Variants in MECR observed in about 807,000 individuals in gnomAD.
The protein encoded by MECR is mitochondrial trans-2-enoyl-CoA reductase.
MECR carries 37 observed loss-of-function variants against 49.1 expected under a neutral mutation model. The ratio of observed to expected loss-of-function variants is 0.75; its 90% confidence interval spans 0.58 to 0.99. The LOEUF (loss-of-function observed/expected upper bound fraction) is 0.99. MECR is among the 50% of genes least tolerant of loss of function. MECR has a pLI of 0.00. For missense variants in MECR, 470 were observed against 479.6 expected, an observed-to-expected ratio of 0.98 and a Z score of 0.19; for synonymous variants, 198 against 191.1, an observed-to-expected ratio of 1.04 and a Z score of -0.30.
intron 6 of MECR, 106 bp from the exon 7 acceptor site, chr1:29,200,695 T>A: frequency 2.2e-6 from 2 of 905,558 alleles, no homozygotes; most frequent in Non-Finnish European, 3.5e-6. Context: ...GAGATGTTTA[T>A]GCCTTTGTTT....
chr1:29,184,039 C>G, the MECR span, among the ~76,000 whole-genome samples: 42 of 148,548 alleles, frequency 2.8e-4, no homozygotes, highest in South Asian at 6.4e-4. Flanking sequence ...CCACCACGCC[C>G]GGCTAATTTT....
intron 1 of MECR, among the ~76,000 whole-genome samples, chr1:29,222,413 G>C (rs1022739852): frequency 1.3e-5 from 2 of 152,066 alleles, no homozygotes; most frequent in African/African-American, 4.8e-5. Flanking sequence ...TATTTCCTGC[G>C]ATCCAATTTG....
intron 1 of MECR, among the ~76,000 whole-genome samples, chr1:29,222,260 A>AT (rs11452724): frequency 0.016 from 2,321 of 149,380 alleles, 26 homozygotes; most frequent in African/African-American, 0.025. Context: ...CGCCTGGCTA[A>AT]TTTTTTTTTT....
chr1:29,176,341 T>C, the MECR span, among the ~76,000 whole-genome samples: 1 of 152,230 alleles, frequency 6.6e-6, no homozygotes, highest in African/African-American at 2.4e-5. Context: ...TTGTCACTCA[T>C]TAGTTATAGC....
intron 1 of MECR, 178 bp from the exon 2 acceptor site, chr1:29,216,863 G>A: frequency 7.3e-7 from 1 of 1,376,364 alleles, no homozygotes; most frequent in Non-Finnish European, 9.5e-7. Flanking sequence ...GGCTGGGCGT[G>A]GTGGCTCACG....
At position 29,208,620 on chromosome 1, in the gene MECR, G is replaced by A. The variant is rs560679280; in HGVS notation, c.407-1715C>T. ...CGAACATCGACTTTGAACCCCTCAT[G>A]CAACAGGGGAGGAAATGAGGAAGTG... On this transcript the variant is annotated intron_variant, in intron 3 of 9. Transcript: ENST00000263702. Among the ~76,000 whole-genome samples, 6 of 152,294 alleles carry A rather than the reference G, an allele frequency of 3.9e-5. No individual in the cohort carries two copies. The South Asian group carries it at 6.2e-4, about 16-fold the overall frequency.
At chr1:29,181,587 C>A in the MECR span, 2 of 1,410,094 alleles carry the variant, frequency 1.4e-6, no homozygotes, top group Non-Finnish European at 9.6e-7. Flanking sequence ...TCCCCGCGGC[C>A]TCCCCACCAC....
chr1:29,206,851 C>G lies in MECR; in HGVS notation c.461G>C (p.Ser154Thr). 7 of 1,614,192 alleles carry G rather than the reference C, an allele frequency of 4.3e-6. No individual in the cohort carries two copies. The highest frequency in any genetic ancestry group is 5.9e-6 in the Non-Finnish European group (7 of 1,180,038). The change falls in exon 4 of 10, where the codon AGT becomes ACT. Residue 154 changes from serine (S) to threonine (T), a missense_variant. Ser to Thr is a moderately conservative substitution (Grantham distance 58). Coordinates refer to ENST00000263702, the MANE Select transcript of MECR (RefSeq NM_016011.5). Reference protein sequence around the residue: ...FSEEALIQVPSDIPLQSAATL... With the variant: ...FSEEALIQVPTDIPLQSAATL... ...GGCAGCGCTCTGAAGAGGGATGTCA[C>G]TCGGAACTTGGATCAGTGCTTCCTC...
the MECR span, among the ~76,000 whole-genome samples, chr1:29,182,854 A>C: frequency 6.6e-6 from 1 of 152,162 alleles, no homozygotes; most frequent in East Asian, 1.9e-4. Flanking sequence ...TATCCAGTCT[A>C]TTTTCTAACC....
rs563043941 is a variant in MECR, at chr1:29,219,091, C to T, written c.177-2406G>A. On this transcript the variant is annotated intron_variant, in intron 1 of 9. Coordinates refer to ENST00000263702, the MANE Select transcript of MECR (RefSeq NM_016011.5). ...GCAGTGAAATGAGCACAGGCTGGACCGGCTGCCGTTGCCTTATGGGGAGAT... is the reference window on the plus strand; with the variant it reads ...GCAGTGAAATGAGCACAGGCTGGACTGGCTGCCGTTGCCTTATGGGGAGAT... Among the ~76,000 whole-genome samples, 35 of 152,162 alleles carry T rather than the reference C, an allele frequency of 2.3e-4. No homozygotes were observed. In the Middle Eastern group the frequency reaches 0.01, roughly 44 times the overall value.
chr1:29,184,290 T>C, the MECR span, among the ~76,000 whole-genome samples: 1 of 150,206 alleles, frequency 6.7e-6, no homozygotes, highest in African/African-American at 2.5e-5. Flanking sequence ...TTCTCCTGCC[T>C]CAGCCTCCCA....
chr1:29,169,187 G>A, the MECR span: 1 of 152,152 alleles, frequency 6.6e-6, no homozygotes, highest in Non-Finnish European at 1.5e-5. Flanking sequence ...ACTGTCATCT[G>A]ACAGATCAAG....
intron 3 of MECR, among the ~76,000 whole-genome samples, chr1:29,215,077 G>A (rs948087870): frequency 6.6e-6 from 1 of 152,068 alleles, no homozygotes; most frequent in Admixed American, 6.5e-5. Context: ...GCAATGGTGC[G>A]ATCATAGCTC....
At chr1:29,203,547 T>G (rs1326799044) in intron 4 of MECR, among the ~76,000 whole-genome samples, 1 of 152,218 alleles carries the variant, frequency 6.6e-6, no homozygotes, top group African/African-American at 2.4e-5. Context: ...TGTCCTCAAG[T>G]CTTTACTTAG....
At chr1:29,202,129 G>A (rs1407534207) in intron 5 of MECR, 84 bp from the exon 6 acceptor site, 4 of 1,173,962 alleles carry the variant, frequency 3.4e-6, no homozygotes, top group Non-Finnish European at 5.0e-6. Flanking sequence ...ACAGCTGGGA[G>A]AACCCGTGCT....
the MECR span, chr1:29,171,292 A>G: frequency 6.6e-6 from 1 of 151,718 alleles, no homozygotes; most frequent in East Asian, 1.9e-4. Flanking sequence ...TACAGAGACT[A>G]AAGGCTGAAC....
intron 1 of MECR, chr1:29,220,642 G>A (rs1558495405): frequency 6.6e-6 from 1 of 152,348 alleles, no homozygotes; most frequent in African/African-American, 2.4e-5. Context: ...GAGAATACAG[G>A]TAGATCTCAG....
the MECR span, among the ~76,000 whole-genome samples, chr1:29,181,112 TG>T: frequency 1.3e-5 from 2 of 152,166 alleles, no homozygotes; most frequent in East Asian, 3.8e-4. Context: ...CTACTCAAAC[TG>T]GAGTCTCCCG....
chr1:29,220,759 G>T, intron 1 of MECR: 2 of 332,564 alleles, frequency 6.0e-6, no homozygotes, highest in Non-Finnish European at 8.6e-6. Flanking sequence ...ATATTCCTCC[G>T]TAAAATGGGA....
Sources: gnomAD v4.1 joint callset for allele counts (sites outside exome capture counted in the v4.1 genomes callset) on GRCh38, gnomAD v4.1.1 for gene constraint, MANE v1.5 for transcripts, NCBI Gene and HGNC (gene_info 2026-07-23, HGNC 2026-07-21) for gene names.